The following EFCAB8 variants were observed in gnomAD, a reference collection of about 807,000 sequenced individuals.
EFCAB8 encodes EF-hand calcium binding domain 8.
EFCAB8 carries 100 observed loss-of-function variants against 116.3 expected under a neutral mutation model. The observed-to-expected ratio is 0.86, with a 90% CI of 0.73 to 1.02. The LOEUF (loss-of-function observed/expected upper bound fraction) is 1.02. Ranked by LOEUF, EFCAB8 falls within the 50% of genes least tolerant of loss-of-function variation. EFCAB8 has a pLI of 0.00. For synonymous variants in EFCAB8, 558 were observed against 567.9 expected (o/e 0.98, Z 0.25); for missense variants, 1,320 against 1,416.9 (o/e 0.93, Z 1.10).
chr20:32,919,366 A>G (rs1014423987), intron 19 of EFCAB8, among the ~76,000 whole-genome samples: 1 of 152,180 alleles, frequency 6.6e-6, no homozygotes, highest in Non-Finnish European at 1.5e-5. Flanking sequence ...GCTAGGATAT[A>G]ATTTTGCTGT....
chr20:32,881,697 G>A (rs1303111033), intron 5 of EFCAB8, among the ~76,000 whole-genome samples: 1 of 152,190 alleles, frequency 6.6e-6, no homozygotes, highest in African/African-American at 2.4e-5. Context: ...TGGTAGCAAA[G>A]CTACTGTAGC....
Position 32,898,526 on chromosome 20 carries a change from TTC to T in EFCAB8, c.992_993del (p.Phe331TyrfsTer29). The T allele has an allele frequency of 1.4e-6, 1 of 718,612 alleles. No homozygotes were observed. Among genetic ancestry groups the T allele is most frequent in the Non-Finnish European group, 2.6e-6 (1 of 385,098 alleles). The allele number at this position is 718,612 out of a possible 1,614,324, so 44.5% of individuals were successfully genotyped here. ...TCCCAACTGGTGTGAGCAGGTCAAG[TTC>T]ATCCCCCAGATGAATGTGGTAGTCT... ...LHPNWCEQVK[F>X]IPQMNVVVSC... On this transcript the variant is annotated frameshift_variant, in exon 11 of 27. Coordinates refer to ENST00000400522, the MANE Select transcript of EFCAB8 (RefSeq NM_001143967.2). LOFTEE classifies it high-confidence loss of function.
intron 2 of EFCAB8, among the ~76,000 whole-genome samples, chr20:32,865,812 T>A (rs944450462): frequency 2.0e-5 from 3 of 147,806 alleles, no homozygotes; most frequent in Admixed American, 6.9e-5. Context: ...AAAAAAAAAA[T>A]TTGCTGCCTA....
chr20:32,930,680 G>A, intron 21 of EFCAB8, 64 bp downstream of exon 21: 1 of 1,451,278 alleles, frequency 6.9e-7, no homozygotes, highest in Non-Finnish European at 9.4e-7. Flanking sequence ...CCATCTCTTT[G>A]CTCACATGGC....
chr20:32,880,158 AC>A (rs1985248831), intron 5 of EFCAB8, among the ~76,000 whole-genome samples: 1 of 152,100 alleles, frequency 6.6e-6, no homozygotes, highest in Admixed American at 6.5e-5. Context: ...TCCTAAGAGG[AC>A]CAGACCCAGA....
intron 11 of EFCAB8, among the ~76,000 whole-genome samples, chr20:32,904,044 C>G (rs934416803): frequency 6.6e-6 from 1 of 151,838 alleles, no homozygotes; most frequent in African/African-American, 2.4e-5. Context: ...GGCAGGGTGT[C>G]GTTCTGTTGC....
At position 32,906,840 on chromosome 20, in the gene EFCAB8, C is replaced by T; in HGVS notation, c.1157-3C>T. The T allele has an allele frequency of 7.1e-7, 1 of 1,414,636 alleles. No individual in the cohort carries two copies. Among genetic ancestry groups the T allele is most frequent in the South Asian group, 1.2e-5 (1 of 81,276 alleles). 87.6% of individuals were successfully genotyped at this position (1,414,636 alleles called of 1,614,324 possible). On this transcript the variant is annotated splice_polypyrimidine_tract_variant and splice_region_variant and intron_variant, in intron 12 of 26. Transcript: ENST00000400522. The stretch of plus-strand genomic sequence containing the variant: ...GGGACTGACACCCACGTCTTGACCA[C>T]AGTGACTGGTGGCTACGATGCCTTC...
intron 11 of EFCAB8, 116 bp from the exon 12 acceptor site, chr20:32,906,446 C>T: frequency 4.4e-6 from 3 of 679,086 alleles, no homozygotes; most frequent in East Asian, 5.4e-5. Context: ...AGTGACTCCT[C>T]CCTAGGCCTC....
At position 32,920,648 on chromosome 20, in the gene EFCAB8, G is replaced by A. The variant is rs147660958; in HGVS notation, c.2412+433G>A. Among the ~76,000 whole-genome samples, 790 of 152,268 alleles carry A rather than the reference G, an allele frequency of 5.2e-3. 6 individuals carry two copies. Among genetic ancestry groups the A allele is most frequent in the African/African-American group, 0.016 (666 of 41,552 alleles). ...CACTATCATGAGAATGGCATGGGAA[G>A]GACCAGCCCCCATGATTCAGTTACC... On this transcript the variant is annotated intron_variant, in intron 20 of 26. Coordinates refer to ENST00000400522, the MANE Select transcript of EFCAB8 (RefSeq NM_001143967.2).
chr20:32,900,642 C>A (rs1986379721), intron 11 of EFCAB8, among the ~76,000 whole-genome samples: 1 of 152,226 alleles, frequency 6.6e-6, no homozygotes, highest in Admixed American at 6.5e-5. Flanking sequence ...TCTCGGCTCA[C>A]TGCAACCTCC....
At position 32,911,661 on chromosome 20, in the gene EFCAB8, A is replaced by G. The variant is rs1986929826; in HGVS notation, c.1739A>G (p.Asn580Ser). 6.4e-7 allele frequency: 1 copy of G among 1,551,644 alleles called. No homozygotes were observed. The highest frequency in any genetic ancestry group is 8.7e-7 in the Non-Finnish European group (1 of 1,147,018). The stretch of plus-strand genomic sequence containing the variant: ...GGCACAATGAAGATGTGGAACTACA[A>G]CATTGGCAAATGCCTGTTGACCTTT... ...RDGTMKMWNY[N>S]IGKCLLTFPS... Residue 580 changes from asparagine (N) to serine (S), a missense_variant, in exon 16 of 27, where the codon AAC becomes AGC. By Grantham distance (46) the Asn-to-Ser change is conservative. Coordinates refer to ENST00000400522, the MANE Select transcript of EFCAB8 (RefSeq NM_001143967.2).
At chr20:32,915,757 C>T (rs1040936622) in intron 17 of EFCAB8, among the ~76,000 whole-genome samples, 10 of 151,492 alleles carry the variant, frequency 6.6e-5, no homozygotes, top group Admixed American at 2.6e-4. Context: ...CTGCAGCCTC[C>T]GCGTCCCGGG....
chr20:32,872,771 G>A (rs562704133), intron 3 of EFCAB8, among the ~76,000 whole-genome samples: 37 of 151,772 alleles, frequency 2.4e-4, no homozygotes, highest in Middle Eastern at 6.8e-3. Flanking sequence ...TCCAGCCTGG[G>A]CAACAGAGCG....
intron 23 of EFCAB8, among the ~76,000 whole-genome samples, chr20:32,956,885 T>G (rs1988979926): frequency 6.6e-6 from 1 of 151,974 alleles, no homozygotes; most frequent in Non-Finnish European, 1.5e-5. Context: ...ATTGTGGGGG[T>G]ACTAACTATA....
intron 5 of EFCAB8, among the ~76,000 whole-genome samples, chr20:32,882,955 A>G (rs2146198573): frequency 6.6e-6 from 1 of 150,978 alleles, no homozygotes; most frequent in African/African-American, 2.4e-5. Context: ...TCGGCCTCCC[A>G]AAGTGCTGGG....
intron 22 of EFCAB8, among the ~76,000 whole-genome samples, chr20:32,939,047 TTCTC>T (rs1176147315): frequency 7.0e-5 from 9 of 128,588 alleles, no homozygotes; most frequent in Admixed American, 3.7e-4. Context: ...CTTCCTTCGT[TTCTC>T]TCTTTCTTTC....
chr20:32,869,280 C>G (rs561770832), intron 3 of EFCAB8, among the ~76,000 whole-genome samples: 4 of 151,912 alleles, frequency 2.6e-5, no homozygotes, highest in Non-Finnish European at 5.9e-5. Flanking sequence ...TCTTGTTGCC[C>G]AGGCTGGAGT....
chr20:32,882,841 G>A (rs1007820315), intron 5 of EFCAB8, among the ~76,000 whole-genome samples: 13 of 152,088 alleles, frequency 8.5e-5, no homozygotes, highest in African/African-American at 1.2e-4. Context: ...GACTACAGGC[G>A]CCCACCACCA....
At chr20:32,876,101 C>T in intron 4 of EFCAB8, 57 bp downstream of exon 4, 1 of 1,432,676 alleles carries the variant, frequency 7.0e-7, no homozygotes, top group Non-Finnish European at 9.6e-7. Context: ...GGGTCCAGTC[C>T]TTGACCAGTT....
Sources: gnomAD v4.1 joint callset for allele counts (sites outside exome capture counted in the v4.1 genomes callset) on GRCh38, gnomAD v4.1.1 for gene constraint, MANE v1.5 for transcripts, NCBI Gene and HGNC (gene_info 2026-07-23, HGNC 2026-07-21) for gene names.